HDAC3: variants seen among roughly 807,000 people sequenced by gnomAD.
HDAC3 encodes SMAP45.
In HDAC3, 21 loss-of-function variants were observed where a neutral mutation model predicts 62.3. That is an observed-to-expected ratio of 0.34 (90% confidence interval 0.24 to 0.49). HDAC3 has a LOEUF of 0.49. Among genes scored for constraint, HDAC3 ranks in the 20% least tolerant of loss-of-function variants. HDAC3 has a pLI of 0.99. For synonymous variants in HDAC3, 198 were observed against 206.5 expected (o/e 0.96, Z 0.35); for missense variants, 270 against 556.9 (o/e 0.48, Z 5.19).
Position 141,636,540 on chromosome 5 carries a change from G to A in HDAC3, c.138+8C>T, listed in dbSNP as rs2099906045. The A allele has an allele frequency of 6.2e-7, 1 of 1,613,526 alleles. No individual in the cohort carries two copies. Among genetic ancestry groups the A allele is most frequent in the Non-Finnish European group, 8.5e-7 (1 of 1,179,540 alleles). On this transcript the variant is annotated splice_region_variant and intron_variant, in intron 2 of 14. Coordinates refer to ENST00000305264, the MANE Select transcript of HDAC3 (RefSeq NM_003883.4). ...CCCCCAACCCCCGGCCGAGGCGGCG[G>A]AACTCACGATCATCTTCTTATAGAG...
At chr5:141,630,576 G>A (rs1193595009) in intron 3 of HDAC3, among the ~76,000 whole-genome samples, 1 of 152,190 alleles carries the variant, frequency 6.6e-6, no homozygotes, top group Non-Finnish European at 1.5e-5. Context: ...CCCACGAAAA[G>A]CCTGTAGCAC....
chr5:141,635,605 G>A (rs2099905854), intron 2 of HDAC3, among the ~76,000 whole-genome samples: 1 of 152,194 alleles, frequency 6.6e-6, no homozygotes, highest in Non-Finnish European at 1.5e-5. Flanking sequence ...TAAAGCCTGG[G>A]TTTAGCTGTT....
rs2099904855 is a variant in HDAC3, at chr5:141,629,055, G to T, written c.610+118C>A. ...GGAGGTGATTATGATAACTGGAGTG[G>T]TAAGGAAAGGCTTCTCTGAGGAGGG... On this transcript the variant is annotated intron_variant, in intron 7 of 14. Coordinates refer to ENST00000305264, the MANE Select transcript of HDAC3 (RefSeq NM_003883.4). This position sits in a 1 kb window ranked among gnomAD's most constrained non-coding sequence, Gnocchi z 5.3. The T allele has an allele frequency of 1.0e-6, 1 of 998,196 alleles. No individual in the cohort carries two copies. The highest frequency in any genetic ancestry group is 1.5e-6 in the Non-Finnish European group (1 of 668,870). 61.8% of individuals were successfully genotyped at this position (998,196 alleles called of 1,614,324 possible). A position where few individuals can be genotyped will look rare whatever the true frequency, so the allele number is the denominator to read the frequency against.
intron 10 of HDAC3, among the ~76,000 whole-genome samples, chr5:141,627,095 A>G (rs1000491299): frequency 6.6e-6 from 1 of 152,162 alleles, no homozygotes; most frequent in Non-Finnish European, 1.5e-5. Context: ...CACCATGGCC[A>G]GCTTCTCGGA....
rs1482838524 is a variant in HDAC3, at chr5:141,636,611, C to T, written c.75G>A (p.Lys25=). 1 of 1,613,944 alleles carries T rather than the reference C, an allele frequency of 6.2e-7. No homozygotes were observed. The highest frequency in any genetic ancestry group is 2.2e-5 in the East Asian group (1 of 44,882). Residue 25 remains lysine (K), a synonymous_variant, in exon 2 of 15, where the codon AAG becomes AAA. Transcript: ENST00000305264. ...TATGGGTCAATGCCAGGCGATGGGG[C>T]TTCATAGGGTGTCCAGCTCCTGGGG... The part of the protein sequence containing the change: ...NFHYGAGHPM[K]PHRLALTHSL...
chr5:141,625,229 C>A lies in HDAC3; in HGVS notation c.1196G>T (p.Gly399Val). 6.2e-7 allele frequency: 1 copy of A among 1,613,348 alleles called. No individual in the cohort carries two copies. Among genetic ancestry groups the A allele is most frequent in the Non-Finnish European group, 8.5e-7 (1 of 1,179,896 alleles). ...RTDEADAEER[G>V]PEENYSRPEA... is the part of the protein sequence containing the mutation. ...AGACCTGCTATAGTTCTCCTCAGGA[C>A]CCCTCTCCTCTGCATCAGCCTCATC... Residue 399 changes from glycine (G) to valine (V), a missense_variant, in exon 14 of 15, where the codon GGT (glycine) becomes GTT (valine). Gly to Val is a moderately radical substitution (Grantham distance 109). Coordinates refer to ENST00000305264, the MANE Select transcript of HDAC3 (RefSeq NM_003883.4). This position sits in a 1 kb window ranked among gnomAD's most constrained non-coding sequence, Gnocchi z 4.0.
rs2099904920 is a variant in HDAC3, at chr5:141,629,675, G to A, written c.476+9C>T. The A allele has an allele frequency of 6.2e-7, 1 of 1,613,540 alleles. No homozygotes were observed. Among genetic ancestry groups the A allele is most frequent in the Admixed American group, 1.7e-5 (1 of 60,016 alleles). On this transcript the variant is annotated intron_variant, in intron 6 of 14. Transcript: ENST00000305264. This position sits in a 1 kb window ranked among gnomAD's most constrained non-coding sequence, Gnocchi z 5.3. Reference sequence around the variant, plus strand: ...CGTAACTGCCCCCATCTCCTCCTGGGCTACTTACTTGAGCAGCTCCAGGAT... The same window carrying A: ...CGTAACTGCCCCCATCTCCTCCTGGACTACTTACTTGAGCAGCTCCAGGAT...
Position 141,625,047 on chromosome 5 carries a change from CT to C in HDAC3, c.1217+160del. 1.4e-6 allele frequency: 1 copy of C among 739,740 alleles called. No homozygotes were observed. Among genetic ancestry groups the C allele is most frequent in the Non-Finnish European group, 2.2e-6 (1 of 462,706 alleles). 45.8% of individuals were successfully genotyped at this position (739,740 alleles called of 1,614,324 possible). On this transcript the variant is annotated intron_variant, in intron 14 of 14. Coordinates refer to ENST00000305264, the MANE Select transcript of HDAC3 (RefSeq NM_003883.4). This position sits in a 1 kb window ranked among gnomAD's most constrained non-coding sequence, Gnocchi z 4.0. ...AAAATTTTGCAATAAATACGTGTTACTTTTGTCATTAAAAATAACAAAGAAA... is the reference window on the plus strand; with the variant it reads ...AAAATTTTGCAATAAATACGTGTTACTTTGTCATTAAAAATAACAAAGAAA...
chr5:141,630,635 A>G (rs1452845213), intron 3 of HDAC3, among the ~76,000 whole-genome samples: 2 of 152,252 alleles, frequency 1.3e-5, no homozygotes, highest in African/African-American at 4.8e-5. Flanking sequence ...TATAATTATT[A>G]CCATTGTTAT....
intron 14 of HDAC3, among the ~76,000 whole-genome samples, chr5:141,622,875 C>T (rs2099903911): frequency 6.6e-6 from 1 of 152,270 alleles, no homozygotes; most frequent in South Asian, 2.1e-4. Context: ...AATCCTAGCA[C>T]TTTGGGAGGC....
chr5:141,626,588 C>T lies in HDAC3; in HGVS notation c.831-305G>A. The T allele has an allele frequency of 2.7e-6, 1 of 369,288 alleles. No individual in the cohort carries two copies. The highest frequency in any genetic ancestry group is 2.5e-5 in the South Asian group (1 of 40,740). 22.9% of individuals were successfully genotyped at this position (369,288 alleles called of 1,614,324 possible). ...GTCAATTCTAGCCTTGAAAATATAA[C>T]TCACGCCCGGCGCGGTGCTCACGCC... On this transcript the variant is annotated intron_variant, in intron 10 of 14. Transcript: ENST00000305264. This position sits in a 1 kb window ranked among gnomAD's most constrained non-coding sequence, Gnocchi z 4.6.
intron 14 of HDAC3, among the ~76,000 whole-genome samples, chr5:141,624,454 G>A (rs2099904169): frequency 6.8e-6 from 1 of 148,116 alleles, no homozygotes; most frequent in East Asian, 1.9e-4. Flanking sequence ...CTACTCGAGG[G>A]GCTGAGGCAG....
In HDAC3 at chr5:141,628,787, C is replaced by G. The variant is rs2099904814; in HGVS notation, c.611-148G>C. On this transcript the variant is annotated intron_variant, in intron 7 of 14. Coordinates refer to ENST00000305264, the MANE Select transcript of HDAC3 (RefSeq NM_003883.4). The surrounding 1 kb of genome is among the most constrained non-coding windows in gnomAD (Gnocchi z 4.7). ...GAGCCACTAAATCTCTTGCAGCTTG[C>G]ATTCATTGGGCAAATAGTTTTGGGG... is the stretch of plus-strand genomic sequence containing the variant. 3.1e-6 allele frequency: 2 copies of G among 640,680 alleles called. No homozygotes were observed. Among genetic ancestry groups the G allele is most frequent in the Non-Finnish European group, 5.4e-6 (2 of 367,792 alleles). 39.7% of individuals were successfully genotyped at this position (640,680 alleles called of 1,614,324 possible). A position where few individuals can be genotyped will look rare whatever the true frequency, so the allele number is the denominator to read the frequency against.
Position 141,629,463 on chromosome 5 carries a change from T to G in HDAC3, c.477-157A>C. On this transcript the variant is annotated intron_variant, in intron 6 of 14. Coordinates refer to ENST00000305264, the MANE Select transcript of HDAC3 (RefSeq NM_003883.4). The surrounding 1 kb of genome is among the most constrained non-coding windows in gnomAD (Gnocchi z 5.3). Reference sequence around the variant, plus strand: ...CTAAAGGCAACTGGGGGCTCCAGCCTAGAGGCTAGAGGCAGGGACAGGAGA... The same window carrying G: ...CTAAAGGCAACTGGGGGCTCCAGCCGAGAGGCTAGAGGCAGGGACAGGAGA... 9.7e-7 allele frequency: 1 copy of G among 1,029,140 alleles called. No individual in the cohort carries two copies. The highest frequency in any genetic ancestry group is 1.4e-6 in the Non-Finnish European group (1 of 697,098). The allele number at this position is 1,029,140 out of a possible 1,614,324, so 63.8% of individuals were successfully genotyped here.
At chr5:141,624,022 G>T (rs1334726357) in intron 14 of HDAC3, among the ~76,000 whole-genome samples, 2 of 145,838 alleles carry the variant, frequency 1.4e-5, no homozygotes, top group African/African-American at 2.6e-5. Context: ...TATTTTGTAT[G>T]TATCTCAGAA....
At chr5:141,631,861 T>C (rs1348740942) in intron 3 of HDAC3, among the ~76,000 whole-genome samples, 2 of 152,114 alleles carry the variant, frequency 1.3e-5, no homozygotes, top group African/African-American at 4.8e-5. Context: ...GTACCTAGTA[T>C]ATAACAGGTA....
Position 141,621,410 on chromosome 5 carries a change from T to A in HDAC3, c.*58A>T, listed in dbSNP as rs1562362643. The A allele has an allele frequency of 3.3e-6, 5 of 1,523,138 alleles. No individual in the cohort carries two copies. The African/African-American group carries it at 4.1e-5, about 13-fold the overall frequency. The allele number at this position is 1,523,138 out of a possible 1,614,324, so 94.4% of individuals were successfully genotyped here. A position where few individuals can be genotyped will look rare whatever the true frequency, so the allele number is the denominator to read the frequency against. On this transcript the variant is annotated 3_prime_UTR_variant, in exon 15 of 15. Transcript: ENST00000305264. ...GACTCTAGGAGCCACTCCTTTTCCC[T>A]CCAGCCCAACCAAGAGGTGAAAAGA...
chr5:141,629,632 C>A lies in HDAC3; in HGVS notation c.476+52G>T, dbSNP rs370731309. The stretch of plus-strand genomic sequence containing the variant: ...AAGGTCAGGGTTGAGACTGAGAGAC[C>A]TCCTCAGCCAAGAATCCCGTAACTG... On this transcript the variant is annotated intron_variant, in intron 6 of 14. Coordinates refer to ENST00000305264, the MANE Select transcript of HDAC3 (RefSeq NM_003883.4). The surrounding 1 kb of genome is among the most constrained non-coding windows in gnomAD (Gnocchi z 5.3). 8.3e-6 allele frequency: 13 copies of A among 1,563,528 alleles called. No individual in the cohort carries two copies. The highest frequency in any genetic ancestry group is 3.3e-5 in the Admixed American group (2 of 59,786).
chr5:141,628,494 G>A lies in HDAC3; in HGVS notation c.691+65C>T. ...GCCCAACAGCAGACAATACCAGGCA[G>A]AAGAGGTTATTTCAAGGAGAAAAAG... On this transcript the variant is annotated intron_variant, in intron 8 of 14. Transcript: ENST00000305264. The surrounding 1 kb of genome is among the most constrained non-coding windows in gnomAD (Gnocchi z 4.7). The A allele has an allele frequency of 7.6e-7, 1 of 1,307,536 alleles. No individual in the cohort carries two copies. The highest frequency in any genetic ancestry group is 1.1e-6 in the Non-Finnish European group (1 of 901,314). 81.0% of individuals were successfully genotyped at this position (1,307,536 alleles called of 1,614,324 possible). A position where few individuals can be genotyped will look rare whatever the true frequency, so the allele number is the denominator to read the frequency against.
Sources: gnomAD v4.1 joint callset for allele counts (sites outside exome capture counted in the v4.1 genomes callset) on GRCh38, gnomAD v4.1.1 for gene constraint, Gnocchi (gnomAD v3.1) non-coding constraint, MANE v1.5 for transcripts, NCBI Gene and HGNC (gene_info 2026-07-23, HGNC 2026-07-21) for gene names.